The following SPAG16 variants were observed in gnomAD, a reference collection of about 807,000 sequenced individuals.
SPAG16 encodes the protein sperm-associated antigen 16 protein.
In SPAG16, 86 loss-of-function variants were observed where a neutral mutation model predicts 80.4. The observed-to-expected ratio is 1.07, with a 90% CI of 0.90 to 1.28. SPAG16 has a LOEUF of 1.28. Ranked by LOEUF, SPAG16 falls within the 50% of genes most tolerant of loss-of-function variation. The pLI is 0.00. For synonymous variants in SPAG16, 294 were observed against 265.9 expected (o/e 1.11, Z -1.03); for missense variants, 870 against 765.3 (o/e 1.14, Z -1.61).
chr2:213,920,172 G>A (rs2078148756), intron 11 of SPAG16, among the ~76,000 whole-genome samples: 1 of 151,864 alleles, frequency 6.6e-6, no homozygotes, highest in Non-Finnish European at 1.5e-5. Context: ...GAGCCTCTGA[G>A]TGTTACTGCA....
At chr2:213,579,156 A>G (rs1330870311) in intron 10 of SPAG16, among the ~76,000 whole-genome samples, 5 of 152,166 alleles carry the variant, frequency 3.3e-5, no homozygotes, top group Middle Eastern at 3.4e-3. Context: ...TTTTCATTTG[A>G]GCACACTTTG....
At chr2:213,963,396 C>T (rs187599253) in intron 12 of SPAG16, among the ~76,000 whole-genome samples, 129 of 152,154 alleles carry the variant, frequency 8.5e-4, no homozygotes, top group Non-Finnish European at 1.4e-3. Context: ...TCAGAGAACA[C>T]GATTTCTACG....
At chr2:213,608,124 A>T (rs975728065) in intron 10 of SPAG16, among the ~76,000 whole-genome samples, 3 of 151,976 alleles carry the variant, frequency 2.0e-5, no homozygotes, top group South Asian at 2.1e-4. Flanking sequence ...TTAGGAGGGG[A>T]GCAGGGAGGT....
intron 3 of SPAG16, among the ~76,000 whole-genome samples, chr2:213,301,941 T>C (rs971907615): frequency 6.6e-6 from 1 of 152,190 alleles, no homozygotes; most frequent in African/African-American, 2.4e-5. Flanking sequence ...TTCAACCTAA[T>C]AGTCTCCTTA....
At chr2:214,181,284 A>G (rs2057299483) in intron 15 of SPAG16, among the ~76,000 whole-genome samples, 1 of 151,766 alleles carries the variant, frequency 6.6e-6, no homozygotes, top group African/African-American at 2.4e-5. Context: ...ACTAACAGAC[A>G]GAAATAAGAA....
intron 9 of SPAG16, among the ~76,000 whole-genome samples, chr2:213,395,068 A>C (rs1024193499): frequency 5.3e-5 from 8 of 152,226 alleles, no homozygotes; most frequent in Admixed American, 2.0e-4. Flanking sequence ...ATCTATAGTG[A>C]TACCACTGTT....
At chr2:213,647,286 C>T (rs1382659391) in intron 10 of SPAG16, among the ~76,000 whole-genome samples, 4 of 152,104 alleles carry the variant, frequency 2.6e-5, no homozygotes, top group South Asian at 2.1e-4. Flanking sequence ...CATGCATATA[C>T]GTACAGTTGA....
At chr2:213,543,565 T>C (rs1237408787) in intron 10 of SPAG16, among the ~76,000 whole-genome samples, 1 of 152,030 alleles carries the variant, frequency 6.6e-6, no homozygotes, top group Non-Finnish European at 1.5e-5. Context: ...TATACATATT[T>C]AATTCTTCTG....
At chr2:214,182,684 A>G (rs984585354) in intron 15 of SPAG16, among the ~76,000 whole-genome samples, 1 of 151,966 alleles carries the variant, frequency 6.6e-6, no homozygotes, top group Non-Finnish European at 1.5e-5. Flanking sequence ...TTAATGTTAT[A>G]AATTGGGATA....
intron 15 of SPAG16, among the ~76,000 whole-genome samples, chr2:214,290,644 G>A (rs1437560890): frequency 1.3e-5 from 2 of 152,030 alleles, no homozygotes; most frequent in East Asian, 1.9e-4. Flanking sequence ...CCAATGGTTG[G>A]TTATCCAGAA....
intron 12 of SPAG16, among the ~76,000 whole-genome samples, chr2:213,956,771 G>A (rs1156283671): frequency 6.6e-6 from 1 of 151,904 alleles, no homozygotes; most frequent in Non-Finnish European, 1.5e-5. Flanking sequence ...TTTAATGTAT[G>A]CATGTATATA....
chr2:213,484,218 G>T (rs929071737), intron 9 of SPAG16, among the ~76,000 whole-genome samples: 1 of 152,018 alleles, frequency 6.6e-6, no homozygotes, highest in African/African-American at 2.4e-5. Flanking sequence ...TACTTGAGGA[G>T]TACTAAATTA....
chr2:213,592,518 A>G (rs1371438924), intron 10 of SPAG16, among the ~76,000 whole-genome samples: 1 of 152,234 alleles, frequency 6.6e-6, no homozygotes, highest in Non-Finnish European at 1.5e-5. Flanking sequence ...ATATATGTTT[A>G]CAATCCTGCC....
rs191502167 is a variant in SPAG16 at position 213,881,350 on chromosome 2, A to C, written c.1214+18722A>C. On this transcript the variant is annotated intron_variant, in intron 11 of 15. Coordinates refer to ENST00000331683, the MANE Select transcript of SPAG16 (RefSeq NM_024532.5). ...CCTTACTAAAGTTGTTTTATCTATC[A>C]GTTCTAGCAGCCTTTTGACAGTCTT... 7.9e-5 allele frequency among the ~76,000 whole-genome samples: 12 copies of C among 152,330 alleles called. No individual in the cohort carries two copies. The East Asian group carries it at 1.9e-3, about 24-fold the overall frequency.
intron 12 of SPAG16, among the ~76,000 whole-genome samples, chr2:213,958,918 C>T (rs538351473): frequency 6.6e-6 from 1 of 152,222 alleles, no homozygotes; most frequent in Non-Finnish European, 1.5e-5. Flanking sequence ...AGGACTTTCT[C>T]GTACATTTCT....
chr2:213,841,523 A>G (rs1187001369), intron 10 of SPAG16, among the ~76,000 whole-genome samples: 1 of 152,206 alleles, frequency 6.6e-6, no homozygotes, highest in Admixed American at 6.5e-5. Flanking sequence ...AACTGTAACA[A>G]TAATTTACAT....
chr2:213,527,173 A>G lies in SPAG16; in HGVS notation c.1070+37083A>G, dbSNP rs184794254. On this transcript the variant is annotated intron_variant, in intron 10 of 15. Coordinates refer to ENST00000331683, the MANE Select transcript of SPAG16 (RefSeq NM_024532.5). Reference sequence around the variant, plus strand: ...AGTTTAGGGAAGGAGATTGGAGTCTAGATGCTACTGATGTAAAGTTTCTAC... The same window carrying G: ...AGTTTAGGGAAGGAGATTGGAGTCTGGATGCTACTGATGTAAAGTTTCTAC... Among the ~76,000 whole-genome samples the G allele has an allele frequency of 5.3e-3, 812 of 152,292 alleles. 10 individuals carry two copies. Among genetic ancestry groups the G allele is most frequent in the Non-Finnish European group, 7.2e-3 (487 of 68,028 alleles).
chr2:214,260,687 A>G (rs1039673402), intron 15 of SPAG16, among the ~76,000 whole-genome samples: 1 of 152,058 alleles, frequency 6.6e-6, no homozygotes, highest in East Asian at 1.9e-4. Context: ...GAGATCTGTT[A>G]TCATGTTTCT....
At chr2:214,207,608 A>G (rs557198922) in intron 15 of SPAG16, among the ~76,000 whole-genome samples, 1 of 152,222 alleles carries the variant, frequency 6.6e-6, no homozygotes, top group East Asian at 1.9e-4. Flanking sequence ...TTTGATGGTT[A>G]ATATTACGTG....
Sources: gnomAD v4.1 joint callset for allele counts (sites outside exome capture counted in the v4.1 genomes callset) on GRCh38, gnomAD v4.1.1 for gene constraint, MANE v1.5 for transcripts, NCBI Gene and HGNC (gene_info 2026-07-23, HGNC 2026-07-21) for gene names.